Variants in SHC3 observed in about 807,000 individuals in gnomAD.
SHC3 encodes the protein SHC adaptor protein 3, also known as SHC-transforming protein 3.
SHC3 carries 15 observed loss-of-function variants against 60.4 expected under a neutral mutation model. That is an observed-to-expected ratio of 0.25 (90% CI 0.17 to 0.38). The LOEUF (loss-of-function observed/expected upper bound fraction) is 0.38, where lower values mean the gene tolerates loss of function less well. Among genes scored for constraint, SHC3 ranks in the 10% least tolerant of loss-of-function variants. The pLI is 1.00. For synonymous variants in SHC3, 294 were observed against 325.9 expected (o/e 0.90, Z 1.05); for missense variants, 677 against 786.1 (o/e 0.86, Z 1.66).
rs370607394 is a variant in SHC3, at chr9:89,077,778, C to T, written c.609+62G>A. On this transcript the variant is annotated intron_variant, in intron 3 of 11. Coordinates refer to ENST00000375835, the MANE Select transcript of SHC3 (RefSeq NM_016848.6). ...AATAATTCTGTGTGACTGAAGATAC[C>T]GAGTGGCAAAAAAGAGGAAGTAGAG... 306 of 1,582,122 alleles carry T rather than the reference C, an allele frequency of 1.9e-4. No individual in the cohort carries two copies. In the African/African-American group the frequency reaches 3.0e-3, roughly 15 times the overall value.
intron 1 of SHC3, among the ~76,000 whole-genome samples, chr9:89,120,745 G>C (rs2118140478): frequency 6.6e-6 from 1 of 152,196 alleles, no homozygotes; most frequent in African/African-American, 2.4e-5. Context: ...ATAGAGTTTA[G>C]AGTCTGGGCC....
intron 1 of SHC3, among the ~76,000 whole-genome samples, chr9:89,151,426 G>A (rs1826544557): frequency 6.6e-6 from 1 of 152,174 alleles, no homozygotes; most frequent in African/African-American, 2.4e-5. Flanking sequence ...AAAAGAGGTT[G>A]AAGGGAGCAC....
At chr9:89,172,603 ACAC>A (rs1196268734) in intron 1 of SHC3, among the ~76,000 whole-genome samples, 3 of 151,736 alleles carry the variant, frequency 2.0e-5, no homozygotes, top group Admixed American at 2.0e-4. Flanking sequence ...ACACACACAC[ACAC>A]GATGGTCAAC....
At chr9:89,056,178 C>T (rs1412982463) in intron 6 of SHC3, among the ~76,000 whole-genome samples, 1 of 152,198 alleles carries the variant, frequency 6.6e-6, no homozygotes, top group African/African-American at 2.4e-5. Context: ...AGTGTTTTTA[C>T]TGTGAAATGC....
chr9:89,162,451 T>C (rs557777943), intron 1 of SHC3, among the ~76,000 whole-genome samples: 3 of 151,360 alleles, frequency 2.0e-5, no homozygotes, highest in African/African-American at 4.9e-5. Flanking sequence ...TATCTACAAC[T>C]ATCTGATCTT....
chr9:89,176,162 A>G (rs1302584314), intron 1 of SHC3, among the ~76,000 whole-genome samples: 2 of 152,184 alleles, frequency 1.3e-5, no homozygotes, highest in East Asian at 3.9e-4. Flanking sequence ...TTGAGGCAAC[A>G]CAAAGTAACC....
At chr9:89,034,938 C>T (rs939556746) in intron 11 of SHC3, among the ~76,000 whole-genome samples, 2 of 152,120 alleles carry the variant, frequency 1.3e-5, no homozygotes, top group African/African-American at 4.8e-5. Flanking sequence ...GCTTCTAGCC[C>T]TCCTAGGCTC....
At chr9:89,117,196 T>G (rs1465561908) in intron 1 of SHC3, among the ~76,000 whole-genome samples, 1 of 152,210 alleles carries the variant, frequency 6.6e-6, no homozygotes, top group African/African-American at 2.4e-5. Flanking sequence ...TTGCAGTGAA[T>G]GTGAATACCA....
At chr9:89,090,641 G>A (rs768616635) in intron 2 of SHC3, among the ~76,000 whole-genome samples, 5 of 152,200 alleles carry the variant, frequency 3.3e-5, no homozygotes, top group Non-Finnish European at 7.3e-5. Flanking sequence ...ATGATGAAGA[G>A]AGAGGTCAGT....
chr9:89,118,590 A>G (rs910292871), intron 1 of SHC3, among the ~76,000 whole-genome samples: 3 of 152,054 alleles, frequency 2.0e-5, no homozygotes, highest in African/African-American at 7.2e-5. Context: ...AGACACACAG[A>G]TCAAGAGAGA....
intron 2 of SHC3, among the ~76,000 whole-genome samples, chr9:89,106,589 C>T (rs73498180): frequency 0.03 from 4,490 of 152,178 alleles, 204 homozygotes; most frequent in African/African-American, 0.1. Flanking sequence ...CCAGTTCCTA[C>T]GCACTTCCCC....
At chr9:89,080,906 G>A (rs1825435358) in intron 2 of SHC3, among the ~76,000 whole-genome samples, 1 of 151,518 alleles carries the variant, frequency 6.6e-6, no homozygotes, top group African/African-American at 2.4e-5. Flanking sequence ...AGCTGGGACT[G>A]CAGGCGCCGG....
At chr9:89,126,073 C>G (rs555936191) in intron 1 of SHC3, among the ~76,000 whole-genome samples, 2 of 152,112 alleles carry the variant, frequency 1.3e-5, no homozygotes, top group Non-Finnish European at 2.9e-5. Flanking sequence ...ATCTTTCCTG[C>G]GAACCATGGA....
At chr9:89,038,630 C>T (rs1379079172) in intron 10 of SHC3, among the ~76,000 whole-genome samples, 1 of 152,216 alleles carries the variant, frequency 6.6e-6, no homozygotes, top group Non-Finnish European at 1.5e-5. Flanking sequence ...ATGAATATCA[C>T]ATGCCACGTA....
chr9:89,041,747 C>A (rs978609032), intron 10 of SHC3, among the ~76,000 whole-genome samples: 4 of 152,192 alleles, frequency 2.6e-5, no homozygotes, highest in Admixed American at 6.5e-5. Context: ...AATAAATAAA[C>A]ATTTGTGTAT....
intron 1 of SHC3, among the ~76,000 whole-genome samples, chr9:89,144,585 A>G (rs181371969): frequency 2.1e-3 from 317 of 152,256 alleles, no homozygotes; most frequent in African/African-American, 7.2e-3. Flanking sequence ...GACCTCAACC[A>G]TTTGCTGACC....
At chr9:89,138,247 G>T (rs1350789800) in intron 1 of SHC3, among the ~76,000 whole-genome samples, 2 of 152,216 alleles carry the variant, frequency 1.3e-5, no homozygotes, top group Non-Finnish European at 1.5e-5. Context: ...ATAGAACTAC[G>T]TGAAAGCAAA....
At chr9:89,135,681 T>G (rs1367576808) in intron 1 of SHC3, among the ~76,000 whole-genome samples, 5 of 151,778 alleles carry the variant, frequency 3.3e-5, no homozygotes, top group African/African-American at 9.7e-5. Flanking sequence ...TTTTTGAGGG[T>G]TTTTTTTCTG....
chr9:89,149,169 G>T (rs192261134), intron 1 of SHC3, among the ~76,000 whole-genome samples: 26 of 152,260 alleles, frequency 1.7e-4, no homozygotes, highest in Non-Finnish European at 3.5e-4. Context: ...AGTCTCCACC[G>T]CACACTGGTG....
Sources: gnomAD v4.1 joint callset for allele counts (sites outside exome capture counted in the v4.1 genomes callset) on GRCh38, gnomAD v4.1.1 for gene constraint, MANE v1.5 for transcripts, NCBI Gene and HGNC (gene_info 2026-07-23, HGNC 2026-07-21) for gene names.